NAA11: variants seen among roughly 807,000 people sequenced by gnomAD.
NAA11 encodes N-alpha-acetyltransferase 11, NatA catalytic subunit.
A neutral mutation model predicts 16.1 loss-of-function variants in NAA11; 15 were observed. The ratio of observed to expected loss-of-function variants is 0.93; its 90% CI spans 0.62 to 1.44. The LOEUF is 1.44. NAA11 is among the 40% of genes most tolerant of loss of function. NAA11 has a pLI of 0.00. For missense variants in NAA11, 298 were observed against 291.3 expected (o/e 1.02, Z -0.17); for synonymous variants, 122 against 112.4 (o/e 1.09, Z -0.54).
intron 2 of NAA11, among the ~76,000 whole-genome samples, chr4:79,257,262 C>A (rs1239024473): frequency 6.6e-6 from 1 of 152,122 alleles, no homozygotes; most frequent in East Asian, 1.9e-4. Flanking sequence ...ATATTTAATG[C>A]TCACCACCAG....
At chr4:79,200,652 A>G in the NAA11 span, among the ~76,000 whole-genome samples, 1 of 151,806 alleles carries the variant, frequency 6.6e-6, no homozygotes, top group Non-Finnish European at 1.5e-5. Flanking sequence ...AAATTCAATT[A>G]GAGACCCTGT....
At chr4:79,195,706 C>T in the NAA11 span, 1 of 152,052 alleles carries the variant, frequency 6.6e-6, no homozygotes. Flanking sequence ...TCCCATTTGT[C>T]CTGGGAGGGA....
At chr4:79,176,721 T>C in the NAA11 span, among the ~76,000 whole-genome samples, 1 of 152,284 alleles carries the variant, frequency 6.6e-6, no homozygotes, top group Non-Finnish European at 1.5e-5. Flanking sequence ...TTATCTATCA[T>C]AGTGCACATA....
chr4:79,262,418 C>T (rs574633879), intron 2 of NAA11, among the ~76,000 whole-genome samples: 1 of 152,302 alleles, frequency 6.6e-6, no homozygotes, highest in East Asian at 1.9e-4. Flanking sequence ...TTTGCCACAT[C>T]TTTAATGAGG....
At chr4:79,264,323 C>A (rs1337436839) in intron 2 of NAA11, among the ~76,000 whole-genome samples, 4 of 152,194 alleles carry the variant, frequency 2.6e-5, no homozygotes, top group Non-Finnish European at 5.9e-5. Flanking sequence ...ATGACTTCGT[C>A]TCTTGTAACA....
At chr4:79,224,206 G>C (rs1037737913), downstream of NAA11, among the ~76,000 whole-genome samples, 17 of 152,062 alleles carry the variant, frequency 1.1e-4, no homozygotes, top group African/African-American at 3.9e-4. Flanking sequence ...AAAGGATGTG[G>C]CTCCAGGTGA....
chr4:79,158,561 A>G, the NAA11 span, among the ~76,000 whole-genome samples: 1 of 151,934 alleles, frequency 6.6e-6, no homozygotes, highest in African/African-American at 2.4e-5. Context: ...AATGCAATGC[A>G]ATTCCCATTA....
chr4:79,292,647 C>T (rs1488146703), intron 2 of NAA11, among the ~76,000 whole-genome samples: 2 of 152,218 alleles, frequency 1.3e-5, no homozygotes, highest in Non-Finnish European at 2.9e-5. Flanking sequence ...CTGTTCATTT[C>T]CAGAGCAAGG....
the NAA11 span, among the ~76,000 whole-genome samples, chr4:79,205,750 C>A: frequency 6.6e-6 from 1 of 151,916 alleles, no homozygotes; most frequent in Non-Finnish European, 1.5e-5. Context: ...TCAGGTCCTA[C>A]ATTTGGATAT....
At chr4:79,181,141 A>G in the NAA11 span, among the ~76,000 whole-genome samples, 1 of 151,922 alleles carries the variant, frequency 6.6e-6, no homozygotes, top group Non-Finnish European at 1.5e-5. Context: ...TGACGAGTTA[A>G]TGGGTGCAGC....
At chr4:79,303,044 T>C (rs1255413791) in intron 1 of NAA11, among the ~76,000 whole-genome samples, 4 of 142,928 alleles carry the variant, frequency 2.8e-5, no homozygotes, top group Non-Finnish European at 4.6e-5. Context: ...TTGTGCATCC[T>C]TCCCTTTTCA....
chr4:79,293,022 C>T (rs1723122259), intron 2 of NAA11, among the ~76,000 whole-genome samples: 1 of 151,720 alleles, frequency 6.6e-6, no homozygotes, highest in East Asian at 1.9e-4. Flanking sequence ...TATTTGTTGT[C>T]TATATTGATG....
chr4:79,176,499 G>A, the NAA11 span, among the ~76,000 whole-genome samples: 1 of 152,114 alleles, frequency 6.6e-6, no homozygotes, highest in Non-Finnish European at 1.5e-5. Flanking sequence ...TCTGCTGGCA[G>A]AGTTCCTTCT....
chr4:79,162,956 A>T, the NAA11 span, among the ~76,000 whole-genome samples: 1 of 152,378 alleles, frequency 6.6e-6, no homozygotes, highest in Admixed American at 6.5e-5. Flanking sequence ...TTTATGAAGT[A>T]GGAACTGTTA....
At chr4:79,271,819 A>C (rs768792967) in intron 2 of NAA11, among the ~76,000 whole-genome samples, 34 of 152,056 alleles carry the variant, frequency 2.2e-4, no homozygotes, top group Non-Finnish European at 4.1e-4. Context: ...CAGTCTTCTA[A>C]GAACCAGGTA....
At chr4:79,265,295 G>A (rs762102168) in intron 2 of NAA11, among the ~76,000 whole-genome samples, 2 of 152,114 alleles carry the variant, frequency 1.3e-5, no homozygotes, top group Non-Finnish European at 2.9e-5. Context: ...CCTCCAAACT[G>A]GTATTCCTTT....
chr4:79,170,290 G>T, the NAA11 span, among the ~76,000 whole-genome samples: 2 of 152,092 alleles, frequency 1.3e-5, no homozygotes, highest in Non-Finnish European at 2.9e-5. Flanking sequence ...AGTTTCCACT[G>T]GGCTTTACAA....
chr4:79,237,496 T>A (rs990203000), intron 2 of NAA11, among the ~76,000 whole-genome samples: 6 of 152,222 alleles, frequency 3.9e-5, no homozygotes, highest in African/African-American at 1.4e-4. Flanking sequence ...TTTATTGAAG[T>A]ATAATACACA....
the NAA11 span, among the ~76,000 whole-genome samples, chr4:79,175,009 T>G: frequency 6.6e-6 from 1 of 152,234 alleles, no homozygotes; most frequent in East Asian, 1.9e-4. Context: ...AGCATGTAAG[T>G]CCTGGCAGAT....
Sources: gnomAD v4.1 joint callset for allele counts (sites outside exome capture counted in the v4.1 genomes callset) on GRCh38, gnomAD v4.1.1 for gene constraint, MANE v1.5 for transcripts, NCBI Gene and HGNC (gene_info 2026-07-23, HGNC 2026-07-21) for gene names.